The following LITAF variants were observed in gnomAD, a reference collection of about 807,000 sequenced individuals.
The protein encoded by LITAF is lipopolysaccharide-induced tumor necrosis factor-alpha factor.
A neutral mutation model predicts 14.5 loss-of-function variants in LITAF; 9 were observed. The observed-to-expected ratio is 0.62, with a 90% CI of 0.37 to 1.08. The LOEUF is 1.08. Ranked by LOEUF, LITAF falls within the 50% of genes least tolerant of loss-of-function variation. The pLI is 0.01. For missense variants in LITAF, 206 were observed against 213.4 expected (o/e 0.97, Z 0.22); for synonymous variants, 98 against 88.2 (o/e 1.11, Z -0.62).
chr16:11,564,247 C>A (rs1024486254), intron 1 of LITAF, among the ~76,000 whole-genome samples: 1 of 152,016 alleles, frequency 6.6e-6, no homozygotes, highest in African/African-American at 2.4e-5. Flanking sequence ...AACCCAGGAA[C>A]CCGCAGGGAG....
intron 3 of LITAF, among the ~76,000 whole-genome samples, chr16:11,624,781 G>A (rs1438487524): frequency 6.6e-6 from 1 of 152,216 alleles, no homozygotes; most frequent in Admixed American, 6.5e-5. Flanking sequence ...TCAAGAGGTA[G>A]AGTCTATTTC....
At chr16:11,550,646 G>A (rs1313122377) in intron 3 of LITAF, among the ~76,000 whole-genome samples, 3 of 152,102 alleles carry the variant, frequency 2.0e-5, no homozygotes, top group Non-Finnish European at 4.4e-5. Flanking sequence ...AGATCTTTTA[G>A]TCTTTTTGTT....
upstream of LITAF, among the ~76,000 whole-genome samples, chr16:11,602,351 G>A (rs757344096): frequency 1.2e-3 from 187 of 152,180 alleles, no homozygotes; most frequent in Non-Finnish European, 2.1e-3. Flanking sequence ...ATGAGACCCC[G>A]TCTCAAAAAT....
At chr16:11,578,162 C>G (rs2868423) in intron 1 of LITAF, among the ~76,000 whole-genome samples, 118,932 of 152,132 alleles carry the variant, frequency 0.78, 47,427 homozygotes, top group African/African-American at 0.93. Flanking sequence ...GCCTCCAAAA[C>G]TGCTGGGATT....
At chr16:11,573,163 C>T (rs1179971127) in intron 1 of LITAF, among the ~76,000 whole-genome samples, 13 of 152,088 alleles carry the variant, frequency 8.5e-5, no homozygotes, top group African/African-American at 3.1e-4. Context: ...CTCCTGACCT[C>T]AAGCGATCCG....
intron 3 of LITAF, among the ~76,000 whole-genome samples, chr16:11,631,269 C>G (rs1360135628): frequency 6.6e-6 from 1 of 152,200 alleles, no homozygotes; most frequent in Non-Finnish European, 1.5e-5. Flanking sequence ...AGTCTAAAAG[C>G]TTGAAATCAA....
intron 1 of LITAF, chr16:11,584,178 A>C (rs2064776566): frequency 1.3e-5 from 2 of 152,196 alleles, no homozygotes; most frequent in African/African-American, 4.8e-5. Context: ...AGAACTAAGG[A>C]AGTCTATTTA....
chr16:11,572,746 C>T (rs186709900), intron 1 of LITAF, among the ~76,000 whole-genome samples: 17 of 152,258 alleles, frequency 1.1e-4, no homozygotes, highest in Non-Finnish European at 1.3e-4. Context: ...CGTAGAACCC[C>T]GGCACAGAAA....
intron 1 of LITAF, among the ~76,000 whole-genome samples, chr16:11,581,307 G>T (rs1283999982): frequency 6.6e-6 from 1 of 152,174 alleles, no homozygotes; most frequent in Non-Finnish European, 1.5e-5. Flanking sequence ...AGGTGAAATG[G>T]AATAGGCAGG....
At position 11,556,719 on chromosome 16, in the gene LITAF, T is replaced by G; in HGVS notation, c.12A>C (p.Pro4=). The G allele has an allele frequency of 6.2e-7, 1 of 1,614,128 alleles. No individual in the cohort carries two copies. Among genetic ancestry groups the G allele is most frequent in the Admixed American group, 1.7e-5 (1 of 60,022 alleles). MSV[P]GPYQAATGPS... ...GCCCAGTGGCCGCCTGGTAAGGTCC[T>G]GGAACCGACATTTTACCTAAAACAG... The change falls in exon 2 of 4, where the codon CCA becomes CCC. Residue 4 remains proline (P), a synonymous_variant. Transcript: ENST00000622633.
chr16:11,633,706 T>G (rs2065127788), intron 2 of LITAF: 1 of 152,154 alleles, frequency 6.6e-6, no homozygotes, highest in Non-Finnish European at 1.5e-5. Flanking sequence ...AGAAATAACC[T>G]TAAAAATGGG....
At chr16:11,604,582 G>T (rs2064944850) in intron 3 of LITAF, among the ~76,000 whole-genome samples, 1 of 149,322 alleles carries the variant, frequency 6.7e-6, no homozygotes, top group African/African-American at 2.5e-5. Context: ...CAAGGCAGGA[G>T]GATTGCTTGA....
At chr16:11,557,749 C>A (rs932442871) in intron 1 of LITAF, among the ~76,000 whole-genome samples, 1 of 152,224 alleles carries the variant, frequency 6.6e-6, no homozygotes. Context: ...CCGCGCCCAG[C>A]CTCTGTGTTA....
At chr16:11,606,708 C>A (rs2064956644) in intron 3 of LITAF, among the ~76,000 whole-genome samples, 1 of 152,066 alleles carries the variant, frequency 6.6e-6, no homozygotes, top group Non-Finnish European at 1.5e-5. Context: ...GATCTCGGCT[C>A]ACTGCAACCT....
chr16:11,602,037 C>T (rs2064930954), upstream of LITAF, among the ~76,000 whole-genome samples: 2 of 152,264 alleles, frequency 1.3e-5, no homozygotes, highest in South Asian at 2.1e-4. Context: ...TGAACAAATA[C>T]CTCCAGAAAA....
At chr16:11,555,067 G>T (rs1185283330) in intron 2 of LITAF, among the ~76,000 whole-genome samples, 1 of 151,902 alleles carries the variant, frequency 6.6e-6, no homozygotes, top group Non-Finnish European at 1.5e-5. Flanking sequence ...AGGTCTTGTT[G>T]TGTTGCCCAG....
intron 1 of LITAF, among the ~76,000 whole-genome samples, chr16:11,574,208 A>AT (rs1255463774): frequency 6.6e-6 from 1 of 151,764 alleles, no homozygotes. Flanking sequence ...CACCTAGCTA[A>AT]TTTTTTTATT....
At chr16:11,552,377 A>AT (rs60512778) in intron 3 of LITAF, among the ~76,000 whole-genome samples, 23,193 of 152,166 alleles carry the variant, frequency 0.15, 1,907 homozygotes, top group Non-Finnish European at 0.18. Flanking sequence ...GCAGACATAA[A>AT]ATTTATATAA....
chr16:11,572,380 G>A (rs968998966), intron 1 of LITAF, among the ~76,000 whole-genome samples: 4 of 151,948 alleles, frequency 2.6e-5, no homozygotes, highest in African/African-American at 9.7e-5. Context: ...CTCCTCAAAA[G>A]CAGGGAGATG....
Sources: gnomAD v4.1 joint callset for allele counts (sites outside exome capture counted in the v4.1 genomes callset) on GRCh38, gnomAD v4.1.1 for gene constraint, MANE v1.5 for transcripts, NCBI Gene and HGNC (gene_info 2026-07-23, HGNC 2026-07-21) for gene names.